The following TAAR5 variants were observed in gnomAD, a reference collection of about 807,000 sequenced individuals.
TAAR5 encodes trace amine associated receptor 5.
In TAAR5, 27 loss-of-function variants were observed where a neutral mutation model predicts 21.1. The observed-to-expected ratio is 1.28, with a 90% CI of 0.94 to 1.76. The LOEUF is 1.76. Ranked by LOEUF, TAAR5 falls within the 40% of genes most tolerant of loss-of-function variation. The probability of loss-of-function intolerance (pLI) is 0.00; values close to 1 mark genes in which losing one functional copy is unlikely to be tolerated. For missense variants in TAAR5, 495 were observed against 405.6 expected (o/e 1.22, Z -1.89); for synonymous variants, 203 against 167.5 (o/e 1.21, Z -1.64).
chr6:132,609,580 A>G, the TAAR5 span, among the ~76,000 whole-genome samples: 10 of 152,136 alleles, frequency 6.6e-5, no homozygotes, highest in Non-Finnish European at 1.5e-4. Context: ...TTATCTATTG[A>G]CTGCTTTATT....
At chr6:132,608,647 G>A in the TAAR5 span, 6 of 455,856 alleles carry the variant, frequency 1.3e-5, no homozygotes, top group African/African-American at 1.2e-4. Context: ...AACCATGATG[G>A]AGCCAGGGGT....
the TAAR5 span, among the ~76,000 whole-genome samples, chr6:132,604,146 CTTTT>C: frequency 7.9e-6 from 1 of 125,998 alleles, no homozygotes; most frequent in Non-Finnish European, 1.7e-5. Flanking sequence ...TTTTTCTTTT[CTTTT>C]TTTTTTTTTT....
Position 132,589,387 on chromosome 6 carries a change from C to A in TAAR5, c.300G>T (p.Trp100Cys). Residue 100 changes from tryptophan (W) to cysteine (C), a missense_variant, in exon 1 of 1, where the codon TGG becomes TGT. Physicochemically the swap from Trp to Cys is radical, Grantham distance 215. Transcript: ENST00000258034. The stretch of plus-strand genomic sequence containing the variant: ...GGCGGCAGAGGAAGTCCCCGAAGAA[C>A]CAGCAGCTCTCCACTGAGCGAATGG... The part of the protein sequence containing the change: ...LSTIRSVESC[W>C]FFGDFLCRLH... 6.2e-7 allele frequency: 1 copy of A among 1,614,034 alleles called. No homozygotes were observed. Among genetic ancestry groups the A allele is most frequent in the Non-Finnish European group, 8.5e-7 (1 of 1,179,944 alleles).
At chr6:132,598,947 G>A in the TAAR5 span, among the ~76,000 whole-genome samples, 1 of 152,284 alleles carries the variant, frequency 6.6e-6, no homozygotes, top group East Asian at 1.9e-4. Flanking sequence ...CCAAATGCTT[G>A]ATAATGCATT....
the TAAR5 span, among the ~76,000 whole-genome samples, chr6:132,602,125 A>G: frequency 1.3e-5 from 2 of 152,124 alleles, no homozygotes; most frequent in African/African-American, 4.8e-5. Flanking sequence ...TTTTAGCTGT[A>G]GTCTAAAGCA....
the TAAR5 span, among the ~76,000 whole-genome samples, chr6:132,603,495 A>T: frequency 2.5e-5 from 1 of 40,740 alleles, no homozygotes; most frequent in African/African-American, 1.8e-4. Flanking sequence ...ATTTTCTCTC[A>T]AAAAAAAAAA....
the TAAR5 span, among the ~76,000 whole-genome samples, chr6:132,598,303 T>A: frequency 6.6e-6 from 1 of 152,196 alleles, no homozygotes; most frequent in Non-Finnish European, 1.5e-5. Flanking sequence ...TTTAAGAAAA[T>A]GACCCAGATT....
rs1436935490 is a variant in TAAR5, at chr6:132,589,597, A to G, written c.90T>C (p.Thr30=). Residue 30 remains threonine, a synonymous_variant, in exon 1 of 1, where the codon ACT becomes ACC. Transcript: ENST00000258034. ...GGTAGATGACCAACTGGATGCCCAG[A>G]GTATGTACTGTCCTGGGGCAAGACC... is the stretch of plus-strand genomic sequence containing the variant. ...VNGSCPRTVH[T]LGIQLVIYLA... The G allele has an allele frequency of 3.1e-6, 5 of 1,613,968 alleles. 1 individual carries two copies. The highest frequency in any genetic ancestry group is 3.3e-5 in the Admixed American group (2 of 60,016).
chr6:132,589,710 T>C lies in TAAR5; in HGVS notation c.-24A>G, dbSNP rs767914005. On this transcript the variant is annotated 5_prime_UTR_variant, in exon 1 of 1. Coordinates refer to ENST00000258034, the MANE Select transcript of TAAR5 (RefSeq NM_003967.3). ...ATTTATGATTTCTACTCTTCCTCTG[T>C]CTGAGAACTGGCCACCTTCTCCACT... 9 of 1,234,840 alleles carry C rather than the reference T, an allele frequency of 7.3e-6. No individual in the cohort carries two copies. The highest frequency in any genetic ancestry group is 2.1e-6 in the Non-Finnish European group (2 of 960,910). The allele number at this position is 1,234,840 out of a possible 1,614,324, so 76.5% of individuals were successfully genotyped here. A position where few individuals can be genotyped will look rare whatever the true frequency, so the allele number is the denominator to read the frequency against.
the TAAR5 span, among the ~76,000 whole-genome samples, chr6:132,614,690 A>G: frequency 2.0e-5 from 3 of 152,318 alleles, no homozygotes; most frequent in South Asian, 6.2e-4. Context: ...TATATGATTC[A>G]TATATAAGTT....
rs1369761695 is a variant in TAAR5 at position 132,589,184 on chromosome 6, A to G, written c.503T>C (p.Leu168Ser). Reference sequence around the variant, plus strand: ...CTCTACCACATCTGTGTAGAGGAATAACGAAGTGTATGCTGCGGGCACCCC... The same window carrying G: ...CTCTACCACATCTGTGTAGAGGAATGACGAAGTGTATGCTGCGGGCACCCC... ...GWGVPAAYTS[L>S]FLYTDVVETR... Residue 168 changes from leucine to serine, a missense_variant, in exon 1 of 1, where the codon TTA becomes TCA. Transcript: ENST00000258034. 1.9e-6 allele frequency: 3 copies of G among 1,606,808 alleles called. No individual in the cohort carries two copies. The highest frequency in any genetic ancestry group is 1.1e-5 in the South Asian group (1 of 89,336).
At chr6:132,593,057 T>A (rs1776928631), upstream of TAAR5, among the ~76,000 whole-genome samples, 1 of 152,206 alleles carries the variant, frequency 6.6e-6, no homozygotes, top group Admixed American at 6.5e-5. Flanking sequence ...CATGCCGATC[T>A]TCAGGAAGTT....
chr6:132,589,265 A>G lies in TAAR5; in HGVS notation c.422T>C (p.Leu141Pro). The G allele has an allele frequency of 6.2e-7, 1 of 1,610,370 alleles. No individual in the cohort carries two copies. The highest frequency in any genetic ancestry group is 8.5e-7 in the Non-Finnish European group (1 of 1,178,066). ...DRHCAICDPL[L>P]YPSKFTVRVA... Reference sequence around the variant, plus strand: ...CCTCACTGTGAACTTGGAGGGATAGAGCAGGGGGTCACAGATGGCACAGTG... The same window carrying G: ...CCTCACTGTGAACTTGGAGGGATAGGGCAGGGGGTCACAGATGGCACAGTG... The change falls in exon 1 of 1, where the codon CTC (leucine) becomes CCC (proline). Residue 141 changes from leucine (L) to proline (P), a missense_variant. Coordinates refer to ENST00000258034, the MANE Select transcript of TAAR5 (RefSeq NM_003967.3).
At chr6:132,616,466 T>C in the TAAR5 span, among the ~76,000 whole-genome samples, 4 of 152,154 alleles carry the variant, frequency 2.6e-5, no homozygotes, top group African/African-American at 9.6e-5. Flanking sequence ...CTGGACAGAG[T>C]TCTACTGTAT....
chr6:132,605,075 C>T, the TAAR5 span, among the ~76,000 whole-genome samples: 3 of 152,228 alleles, frequency 2.0e-5, no homozygotes, highest in African/African-American at 7.2e-5. Flanking sequence ...TGATCTCCTG[C>T]AGGTGCTTCC....
the TAAR5 span, among the ~76,000 whole-genome samples, chr6:132,607,091 A>G: frequency 6.6e-6 from 1 of 152,114 alleles, no homozygotes; most frequent in African/African-American, 2.4e-5. Flanking sequence ...GCTACTTGGG[A>G]GACTGAGGTG....
chr6:132,606,511 C>A, the TAAR5 span, among the ~76,000 whole-genome samples: 1 of 152,148 alleles, frequency 6.6e-6, no homozygotes, highest in Non-Finnish European at 1.5e-5. Context: ...ACCTTAATGT[C>A]CCTTCCTAGA....
At chr6:132,611,158 G>A in the TAAR5 span, among the ~76,000 whole-genome samples, 1 of 151,368 alleles carries the variant, frequency 6.6e-6, no homozygotes, top group Non-Finnish European at 1.5e-5. Context: ...AGTTGTAATA[G>A]CCAGGCATAG....
At chr6:132,594,014 T>C (rs1360673426), upstream of TAAR5, among the ~76,000 whole-genome samples, 1 of 152,152 alleles carries the variant, frequency 6.6e-6, no homozygotes, top group Non-Finnish European at 1.5e-5. Context: ...TTAGATAAAC[T>C]CAGATATACA....
Sources: gnomAD v4.1 joint callset for allele counts (sites outside exome capture counted in the v4.1 genomes callset) on GRCh38, gnomAD v4.1.1 for gene constraint, MANE v1.5 for transcripts, NCBI Gene and HGNC (gene_info 2026-07-23, HGNC 2026-07-21) for gene names.